ANKMY2: variants seen among roughly 807,000 people sequenced by gnomAD.
ANKMY2 encodes ankyrin repeat and MYND domain-containing protein 2.
ANKMY2 carries 36 observed loss-of-function variants against 50.4 expected under a neutral mutation model. That is an observed-to-expected ratio of 0.71 (90% CI 0.55 to 0.94). ANKMY2 has a LOEUF of 0.94. Ranked by LOEUF, ANKMY2 falls within the 40% of genes least tolerant of loss-of-function variation. The probability of loss-of-function intolerance (pLI) is 0.00; values close to 1 mark genes in which losing one functional copy is unlikely to be tolerated. For missense variants in ANKMY2, 565 were observed against 524.0 expected (o/e 1.08, Z -0.76); for synonymous variants, 187 against 178.8 (o/e 1.05, Z -0.36).
intron 1 of ANKMY2, among the ~76,000 whole-genome samples, chr7:16,638,925 A>G (rs1441037359): frequency 6.6e-6 from 1 of 152,196 alleles, no homozygotes; most frequent in Non-Finnish European, 1.5e-5. Flanking sequence ...GGCAGAGACC[A>G]AATAGATATT....
In ANKMY2 at chr7:16,602,357, G is replaced by A. The variant is rs199780371; in HGVS notation, c.1141+23C>T. ...CTCTCTCTCCACTAAAAAGCAGAGT[G>A]AACTCGGTTTTTATATACATACGGT... On this transcript the variant is annotated intron_variant, in intron 9 of 9. Transcript: ENST00000306999. 5.6e-5 allele frequency: 90 copies of A among 1,606,436 alleles called. No individual in the cohort carries two copies. The East Asian group carries it at 1.9e-3, about 33-fold the overall frequency.
chr7:16,601,800 A>G (rs1781072036), intron 9 of ANKMY2, among the ~76,000 whole-genome samples: 1 of 152,212 alleles, frequency 6.6e-6, no homozygotes, highest in Non-Finnish European at 1.5e-5. Context: ...TCACTGCTGA[A>G]GCAACTCACT....
intron 1 of ANKMY2, among the ~76,000 whole-genome samples, chr7:16,641,784 G>GC (rs909630795): frequency 2.6e-4 from 39 of 151,996 alleles, no homozygotes; most frequent in African/African-American, 8.7e-4. Context: ...AAAGAAGCCA[G>GC]CCCCCCCTCA....
At chr7:16,615,263 T>C (rs1182566805) in intron 5 of ANKMY2, among the ~76,000 whole-genome samples, 1 of 152,220 alleles carries the variant, frequency 6.6e-6, no homozygotes, top group Non-Finnish European at 1.5e-5. Context: ...ACATCCTTTT[T>C]ACCAGGCCTG....
At chr7:16,633,133 T>A (rs1524748) in intron 2 of ANKMY2, among the ~76,000 whole-genome samples, 121,295 of 151,834 alleles carry the variant, frequency 0.8, 48,779 homozygotes, top group African/African-American at 0.87. Context: ...GAAGTTCTTA[T>A]TATTTTCTAG....
chr7:16,641,479 C>T (rs1010674215), intron 1 of ANKMY2, among the ~76,000 whole-genome samples: 8 of 152,166 alleles, frequency 5.3e-5, no homozygotes, highest in Non-Finnish European at 1.0e-4. Flanking sequence ...GTCCAGCCAT[C>T]CAACTAATGG....
In ANKMY2 at chr7:16,631,702, C is replaced by A. The variant is rs977083931; in HGVS notation, c.133-4524G>T. On this transcript the variant is annotated intron_variant, in intron 2 of 9. Transcript: ENST00000306999. ...CAATCTCAGCTCACTGCAACTTCCG[C>A]CTCCAGGGTTCAAGCGATTCTCCTG... 6.6e-5 allele frequency among the ~76,000 whole-genome samples: 10 copies of A among 151,884 alleles called. No homozygotes were observed. The East Asian group carries it at 1.6e-3, about 24-fold the overall frequency.
Position 16,609,764 on chromosome 7 carries a change from A to G in ANKMY2, c.748T>C (p.Leu250=). ...CCATCAGAAGCTCGGCCTTTTAACA[A>G]GCTGAAAGATATTTTTTAAAGCGTA... ...ENKLDTLIKS[L]LKGRASDGFP... The change falls in exon 7 of 10, where the codon TTG becomes CTG. Residue 250 remains leucine, a splice_region_variant and synonymous_variant. Coordinates refer to ENST00000306999, the MANE Select transcript of ANKMY2 (RefSeq NM_020319.3). The G allele has an allele frequency of 6.2e-7, 1 of 1,608,006 alleles. No homozygotes were observed. The highest frequency in any genetic ancestry group is 8.5e-7 in the Non-Finnish European group (1 of 1,177,956).
chr7:16,623,788 C>T (rs1781473975), intron 4 of ANKMY2, among the ~76,000 whole-genome samples: 1 of 152,294 alleles, frequency 6.6e-6, no homozygotes, highest in African/African-American at 2.4e-5. Flanking sequence ...GAAGCTTACA[C>T]AAGGCCATAC....
chr7:16,605,046 T>G (rs1234053472), intron 7 of ANKMY2, among the ~76,000 whole-genome samples, 197 bp from the exon 8 acceptor site: 1 of 152,074 alleles, frequency 6.6e-6, no homozygotes, highest in East Asian at 1.9e-4. Context: ...ACAAAACATA[T>G]GAAAAGTCAG....
chr7:16,607,755 C>A (rs1293241204), intron 7 of ANKMY2, among the ~76,000 whole-genome samples: 2 of 148,784 alleles, frequency 1.3e-5, no homozygotes, highest in South Asian at 2.1e-4. Context: ...AGGTCAGCAA[C>A]CATTTGTGAG....
chr7:16,638,450 G>C (rs1199764337), intron 1 of ANKMY2, among the ~76,000 whole-genome samples: 1 of 152,180 alleles, frequency 6.6e-6, no homozygotes, highest in African/African-American at 2.4e-5. Context: ...CAGCCAGATG[G>C]AAGAGGGGCA....
At chr7:16,613,934 A>AAG (rs1248773008) in intron 5 of ANKMY2, among the ~76,000 whole-genome samples, 1 of 151,884 alleles carries the variant, frequency 6.6e-6, no homozygotes, top group Non-Finnish European at 1.5e-5. Context: ...AAAAAAAAAA[A>AAG]AAAAAATTCC....
chr7:16,615,880 A>G lies in ANKMY2; in HGVS notation c.395T>C (p.Ile132Thr), dbSNP rs771078807. 3 of 1,613,504 alleles carry G rather than the reference A, an allele frequency of 1.9e-6. No individual in the cohort carries two copies. Among genetic ancestry groups the G allele is most frequent in the Non-Finnish European group, 2.5e-6 (3 of 1,179,694 alleles). Residue 132 changes from isoleucine (I) to threonine (T), a missense_variant, in exon 5 of 10, where the codon ATC (isoleucine) becomes ACC (threonine). By Grantham distance (89) the Ile-to-Thr change is moderately conservative (BLOSUM62 -1). Transcript: ENST00000306999. The stretch of plus-strand genomic sequence containing the variant: ...TCTCTCTCGAGGAAAGAAATTGTTG[A>G]TTATGGTCACACAATCATGTTGACC... Reference protein sequence around the residue: ...FVGQHDCVTIINNFFPRERLD... With the variant: ...FVGQHDCVTITNNFFPRERLD...
rs147134871 is a variant in ANKMY2, at chr7:16,636,492, G to A, written c.68-37C>T. 4.5e-4 allele frequency: 662 copies of A among 1,478,436 alleles called. 4 individuals carry two copies. In the East Asian group the frequency reaches 0.012, roughly 26 times the overall value. The allele number at this position is 1,478,436 out of a possible 1,614,324, so 91.6% of individuals were successfully genotyped here. ...AAAAAGATGAAAAGTAAGGTTATTCGTCACTAGAATAAGAGAAAAATCTAA... is the reference window on the plus strand; with the variant it reads ...AAAAAGATGAAAAGTAAGGTTATTCATCACTAGAATAAGAGAAAAATCTAA... On this transcript the variant is annotated intron_variant, in intron 1 of 9. Coordinates refer to ENST00000306999, the MANE Select transcript of ANKMY2 (RefSeq NM_020319.3).
intron 1 of ANKMY2, among the ~76,000 whole-genome samples, chr7:16,639,488 C>G (rs1395306789): frequency 6.6e-6 from 1 of 152,132 alleles, no homozygotes; most frequent in Non-Finnish European, 1.5e-5. Flanking sequence ...GAAGAAAATA[C>G]AGCATAACCT....
In ANKMY2 at chr7:16,630,021, T is replaced by G. The variant is rs930541724; in HGVS notation, c.133-2843A>C. ...AAAAGGAAATAATTTGAAACAATAC[T>G]GCTAATCTACTAGAAGTAGAAGAGA... is the stretch of plus-strand genomic sequence containing the variant. On this transcript the variant is annotated intron_variant, in intron 2 of 9. Transcript: ENST00000306999. Among the ~76,000 whole-genome samples, 8 of 152,268 alleles carry G rather than the reference T, an allele frequency of 5.3e-5. No homozygotes were observed. The East Asian group carries it at 1.5e-3, about 29-fold the overall frequency.
At chr7:16,645,480 G>C (rs774455365) in intron 1 of ANKMY2, 27 bp downstream of exon 1, 4 of 1,589,350 alleles carry the variant, frequency 2.5e-6, no homozygotes, top group East Asian at 2.3e-5. Flanking sequence ...GGCTGGCCGC[G>C]GCCGCGTCGC....
intron 9 of ANKMY2, among the ~76,000 whole-genome samples, 195 bp from the exon 10 acceptor site, chr7:16,601,140 C>G (rs543441975): frequency 5.9e-5 from 9 of 152,178 alleles, no homozygotes; most frequent in Non-Finnish European, 1.3e-4. Flanking sequence ...AGTTTCCTGG[C>G]TAGTGAAACA....
Sources: gnomAD v4.1 joint callset for allele counts (sites outside exome capture counted in the v4.1 genomes callset) on GRCh38, gnomAD v4.1.1 for gene constraint, MANE v1.5 for transcripts, NCBI Gene and HGNC (gene_info 2026-07-23, HGNC 2026-07-21) for gene names.